The following GRK4 variants were observed in gnomAD, a reference collection of about 807,000 sequenced individuals.
GRK4 encodes the protein G protein-coupled receptor kinase 2-like.
A neutral mutation model predicts 77.9 loss-of-function variants in GRK4; 73 were observed. The ratio of observed to expected loss-of-function variants is 0.94; its 90% CI spans 0.78 to 1.14. The LOEUF is 1.14. Ranked by LOEUF, GRK4 falls within the 50% of genes most tolerant of loss-of-function variation. The pLI, the probability that GRK4 is intolerant of heterozygous loss-of-function variation, is 0.00. For synonymous variants in GRK4, 257 were observed against 254.4 expected (o/e 1.01, Z -0.10); for missense variants, 729 against 700.2 (o/e 1.04, Z -0.46).
At chr4:2,972,662 G>A (rs569979367) in intron 1 of GRK4, among the ~76,000 whole-genome samples, 75 of 152,126 alleles carry the variant, frequency 4.9e-4, no homozygotes, top group Non-Finnish European at 1.0e-3. Context: ...CATATGTGGC[G>A]GGGGCGGAGG....
chr4:3,001,572 T>TCAAGATGAAATCCGTG (rs1729845498), intron 4 of GRK4, among the ~76,000 whole-genome samples: 1 of 151,890 alleles, frequency 6.6e-6, no homozygotes, highest in African/African-American at 2.4e-5. Flanking sequence ...TCACCATGTT[T>TCAAGATGAAATCCGTG]GTCAGGCTGG....
intron 9 of GRK4, among the ~76,000 whole-genome samples, chr4:3,021,409 C>T (rs147935176): frequency 6.6e-6 from 1 of 152,156 alleles, no homozygotes; most frequent in East Asian, 1.9e-4. Flanking sequence ...CAGATGGTCA[C>T]GTCAGACGAT....
At chr4:2,986,961 T>G in intron 2 of GRK4, 3 of 314,714 alleles carry the variant, frequency 9.5e-6, no homozygotes, top group Non-Finnish European at 1.9e-5. Context: ...TTCTTGAAGA[T>G]ATAATTCATA....
chr4:2,986,870 G>A (rs201552309), intron 2 of GRK4: 135 of 325,824 alleles, frequency 4.1e-4, no homozygotes, highest in Non-Finnish European at 5.1e-4. Context: ...TTAGTTTCAG[G>A]TGGTATAAAG....
At chr4:2,991,514 T>G (rs533275129) in intron 3 of GRK4, among the ~76,000 whole-genome samples, 1 of 152,140 alleles carries the variant, frequency 6.6e-6, no homozygotes, top group Non-Finnish European at 1.5e-5. Flanking sequence ...CACTGAAGTT[T>G]GTTTGTTTGT....
rs138251533 is a variant in GRK4, at chr4:2,999,021, G to A, written c.340-5210G>A. Among the ~76,000 whole-genome samples the A allele has an allele frequency of 3.3e-3, 503 of 152,296 alleles. 2 individuals carry two copies. Among genetic ancestry groups the A allele is most frequent in the African/African-American group, 0.011 (473 of 41,554 alleles). Reference sequence around the variant, plus strand: ...GTCCTGGCATGATGGTAGACATACAGCAGTCAATGGTATGGAATCGAGAGT... The same window carrying A: ...GTCCTGGCATGATGGTAGACATACAACAGTCAATGGTATGGAATCGAGAGT... On this transcript the variant is annotated intron_variant, in intron 4 of 15. Coordinates refer to ENST00000398052, the MANE Select transcript of GRK4 (RefSeq NM_182982.3).
At chr4:3,026,661 G>C (rs1262502011) in intron 10 of GRK4, among the ~76,000 whole-genome samples, 1 of 152,238 alleles carries the variant, frequency 6.6e-6, no homozygotes, top group Non-Finnish European at 1.5e-5. Context: ...GGCAGAGCCA[G>C]GACTCAGACC....
intron 4 of GRK4, among the ~76,000 whole-genome samples, chr4:2,998,295 T>G (rs943030819): frequency 1.3e-5 from 2 of 151,540 alleles, no homozygotes; most frequent in African/African-American, 4.9e-5. Flanking sequence ...AGGAGGAGGT[T>G]GCAGTGAGCC....
At chr4:2,990,767 G>A (rs1362082669) in intron 3 of GRK4, among the ~76,000 whole-genome samples, 2 of 152,180 alleles carry the variant, frequency 1.3e-5, no homozygotes, top group South Asian at 4.1e-4. Context: ...TTCTGATATT[G>A]TCATGATACC....
At chr4:3,008,676 C>T (rs1272549611) in intron 6 of GRK4, among the ~76,000 whole-genome samples, 1 of 152,006 alleles carries the variant, frequency 6.6e-6, no homozygotes, top group East Asian at 1.9e-4. Context: ...GTGGCATGCA[C>T]CTGTACTCCC....
chr4:3,004,273 G>T lies in GRK4; in HGVS notation c.382G>T (p.Glu128Ter). 1 of 1,613,944 alleles carries T rather than the reference G, an allele frequency of 6.2e-7. No individual in the cohort carries two copies. Among genetic ancestry groups the T allele is most frequent in the Non-Finnish European group, 8.5e-7 (1 of 1,179,798 alleles). Residue 128 changes from glutamate to a stop codon, truncating the protein, a stop_gained, in exon 5 of 16, where the codon GAA (glutamate) becomes TAA (stop). Transcript: ENST00000398052. LOFTEE classifies it high-confidence loss of function. Reference sequence around the variant, plus strand: ...AGAAATACCTCCAGATGTTGTGACAGAATGTAGATTGGGACTGAAGGAGGA... The same window carrying T: ...AGAAATACCTCCAGATGTTGTGACATAATGTAGATTGGGACTGAAGGAGGA... ...LPEIPPDVVT[E>*]CRLGLKEENP...
intron 4 of GRK4, among the ~76,000 whole-genome samples, chr4:2,998,323 C>T (rs1056984963): frequency 7.3e-5 from 11 of 151,684 alleles, no homozygotes; most frequent in South Asian, 2.1e-4. Context: ...TGCCATTGCA[C>T]TCCAGCCTGG....
intron 1 of GRK4, among the ~76,000 whole-genome samples, chr4:2,967,930 A>G (rs1023160712): frequency 5.3e-5 from 8 of 151,878 alleles, no homozygotes; most frequent in Admixed American, 4.6e-4. Context: ...AGCTGGGATT[A>G]CAGGCATGCA....
At chr4:2,997,301 T>C (rs572100570) in intron 4 of GRK4, among the ~76,000 whole-genome samples, 5 of 152,136 alleles carry the variant, frequency 3.3e-5, no homozygotes, top group Admixed American at 3.3e-4. Flanking sequence ...TAATACACCA[T>C]ATTAATAGAA....
intron 5 of GRK4, 77 bp from the exon 6 acceptor site, chr4:3,007,659 T>C: frequency 1.2e-6 from 1 of 826,508 alleles, no homozygotes; most frequent in Non-Finnish European, 1.9e-6. Flanking sequence ...ATTCAGTGCC[T>C]ATTAATGCAC....
At chr4:3,000,722 G>A (rs1427246644) in intron 4 of GRK4, among the ~76,000 whole-genome samples, 1 of 151,690 alleles carries the variant, frequency 6.6e-6, no homozygotes, top group Non-Finnish European at 1.5e-5. Flanking sequence ...GTGCCATTAT[G>A]CCCAGCTAAT....
At chr4:2,989,050 C>T (rs751093226) in intron 3 of GRK4, among the ~76,000 whole-genome samples, 47 of 152,154 alleles carry the variant, frequency 3.1e-4, no homozygotes, top group Admixed American at 4.6e-4. Context: ...GGCGTGGTGG[C>T]GCGTGCCTGT....
At chr4:3,038,336 T>C (rs1741417127) in intron 14 of GRK4, 40 bp from the exon 15 acceptor site, 3 of 1,611,662 alleles carry the variant, frequency 1.9e-6, no homozygotes, top group Non-Finnish European at 2.5e-6. Context: ...ACCTGGCAGT[T>C]TCTCTGCGGC....
rs544347389 is a variant in GRK4 at position 3,035,223 on chromosome 4, T to C, written c.1270-163T>C. Among the ~76,000 whole-genome samples the C allele has an allele frequency of 8.6e-5, 13 of 151,418 alleles. No homozygotes were observed. In the East Asian group the frequency reaches 1.5e-3, roughly 18 times the overall value. ...TCGCACCACTGCACTCCAGCCTGGGTGACAGAACGAGACTCCATCTCAAAA... is the reference window on the plus strand; with the variant it reads ...TCGCACCACTGCACTCCAGCCTGGGCGACAGAACGAGACTCCATCTCAAAA... On this transcript the variant is annotated intron_variant, in intron 12 of 15. Coordinates refer to ENST00000398052, the MANE Select transcript of GRK4 (RefSeq NM_182982.3).
Sources: gnomAD v4.1 joint callset for allele counts (sites outside exome capture counted in the v4.1 genomes callset) on GRCh38, gnomAD v4.1.1 for gene constraint, MANE v1.5 for transcripts, NCBI Gene and HGNC (gene_info 2026-07-23, HGNC 2026-07-21) for gene names.